Variants in GNA14 observed in about 807,000 individuals in gnomAD.
The protein encoded by GNA14 is guanine nucleotide-binding protein subunit alpha-14.
In GNA14, 50 loss-of-function variants were observed where a neutral mutation model predicts 42.0. The ratio of observed to expected loss-of-function variants is 1.19; its 90% CI spans 0.95 to 1.51. The LOEUF is 1.51. GNA14 is among the 40% of genes most tolerant of loss of function. GNA14 has a pLI of 0.00. For missense variants in GNA14, 473 were observed against 446.2 expected (o/e 1.06, Z -0.54); for synonymous variants, 173 against 163.1 (o/e 1.06, Z -0.46).
At chr9:77,620,954 A>G (rs1823912453) in intron 1 of GNA14, among the ~76,000 whole-genome samples, 2 of 151,760 alleles carry the variant, frequency 1.3e-5, no homozygotes, top group African/African-American at 2.4e-5. Flanking sequence ...TTATTTTGAG[A>G]CAGGGTCTCA....
At chr9:77,448,475 G>A (rs942666220) in intron 2 of GNA14, among the ~76,000 whole-genome samples, 4 of 152,188 alleles carry the variant, frequency 2.6e-5, no homozygotes, top group South Asian at 2.1e-4. Flanking sequence ...TGTTCTGAGC[G>A]CATTTAGCAG....
intron 2 of GNA14, among the ~76,000 whole-genome samples, chr9:77,454,305 T>A (rs1835962523): frequency 6.6e-6 from 1 of 152,234 alleles, no homozygotes; most frequent in Non-Finnish European, 1.5e-5. Context: ...GTCAGTCTGA[T>A]CTACTTCTGT....
At chr9:77,541,989 G>A (rs1017043662) in intron 1 of GNA14, among the ~76,000 whole-genome samples, 1 of 151,928 alleles carries the variant, frequency 6.6e-6, no homozygotes, top group African/African-American at 2.4e-5. Context: ...ATCTCACTGA[G>A]CTTCTTTAAA....
chr9:77,511,969 C>T (rs1164147821), intron 2 of GNA14, among the ~76,000 whole-genome samples: 6 of 152,088 alleles, frequency 3.9e-5, no homozygotes, highest in African/African-American at 9.7e-5. Flanking sequence ...ATGCCTGTGC[C>T]GCCATGGGCT....
At chr9:77,565,016 T>A (rs1054207158) in intron 1 of GNA14, among the ~76,000 whole-genome samples, 40 of 152,214 alleles carry the variant, frequency 2.6e-4, no homozygotes, top group African/African-American at 9.7e-4. Context: ...CAAAATAATT[T>A]TAACATGTTT....
chr9:77,525,236 T>C (rs1837416100), intron 2 of GNA14, among the ~76,000 whole-genome samples: 1 of 152,178 alleles, frequency 6.6e-6, no homozygotes. Context: ...CCCACAAATA[T>C]TGACTCCCTG....
At chr9:77,573,923 T>C (rs1823095488) in intron 1 of GNA14, among the ~76,000 whole-genome samples, 1 of 152,142 alleles carries the variant, frequency 6.6e-6, no homozygotes, top group South Asian at 2.1e-4. Flanking sequence ...ACCATTGTAT[T>C]ATTCATATGT....
In GNA14 at chr9:77,648,162, G is replaced by C. The variant is rs549813616; in HGVS notation, c.-369C>G. On this transcript the variant is annotated 5_prime_UTR_variant, in exon 1 of 7. Transcript: ENST00000341700. ...GGACAGCAGTCGGGGGCGCAGACGA[G>C]TTGGAACGTCGGTGCTCGGGGGAGA... The C allele has an allele frequency of 2.5e-5, 8 of 314,112 alleles. No homozygotes were observed. The South Asian group carries it at 2.6e-4, about 10-fold the overall frequency. The allele number at this position is 314,112 out of a possible 1,614,324, so 19.5% of individuals were successfully genotyped here. A position where few individuals can be genotyped will look rare whatever the true frequency, so the allele number is the denominator to read the frequency against.
At chr9:77,433,258 A>G (rs1835587239) in intron 3 of GNA14, among the ~76,000 whole-genome samples, 1 of 152,234 alleles carries the variant, frequency 6.6e-6, no homozygotes, top group African/African-American at 2.4e-5. Flanking sequence ...GATACGGGAC[A>G]GGTGTGAAAG....
intron 2 of GNA14, among the ~76,000 whole-genome samples, chr9:77,527,629 T>TTTTTG (rs761989039): frequency 7.2e-5 from 11 of 152,252 alleles, no homozygotes; most frequent in Admixed American, 2.6e-4. Context: ...CCACACAATT[T>TTTTTG]TTTTGTTTTG....
chr9:77,526,076 A>AT (rs34362442), intron 2 of GNA14, among the ~76,000 whole-genome samples: 29,816 of 125,092 alleles, frequency 0.24, 3,989 homozygotes, highest in African/African-American at 0.37. Context: ...TAATTTTTGT[A>AT]TTTTTTTTTT....
chr9:77,616,588 A>T (rs1823821597), intron 1 of GNA14, among the ~76,000 whole-genome samples: 1 of 152,240 alleles, frequency 6.6e-6, no homozygotes, highest in African/African-American at 2.4e-5. Flanking sequence ...AGGTACAGGC[A>T]TGCTGATGCT....
At chr9:77,605,615 G>T (rs529458746) in intron 1 of GNA14, among the ~76,000 whole-genome samples, 1 of 152,306 alleles carries the variant, frequency 6.6e-6, no homozygotes, top group East Asian at 1.9e-4. Flanking sequence ...CCTGTCATCT[G>T]TGACAACATG....
intron 1 of GNA14, among the ~76,000 whole-genome samples, chr9:77,640,447 A>G (rs954078898): frequency 3.9e-5 from 6 of 152,176 alleles, no homozygotes; most frequent in African/African-American, 1.4e-4. Flanking sequence ...TTTAAGTATC[A>G]TGGGAAATGA....
chr9:77,427,805 G>A (rs1382319184), intron 5 of GNA14, among the ~76,000 whole-genome samples: 1 of 152,184 alleles, frequency 6.6e-6, no homozygotes, highest in African/African-American at 2.4e-5. Flanking sequence ...CCCAGGAGAC[G>A]TGAAGGCAGA....
At chr9:77,573,574 G>T (rs1196761612) in intron 1 of GNA14, among the ~76,000 whole-genome samples, 1 of 152,122 alleles carries the variant, frequency 6.6e-6, no homozygotes, top group Non-Finnish European at 1.5e-5. Context: ...TTTCTCCAGG[G>T]CATCTGCAGG....
intron 1 of GNA14, among the ~76,000 whole-genome samples, chr9:77,537,414 T>C (rs1341875904): frequency 6.6e-6 from 1 of 152,218 alleles, no homozygotes; most frequent in Non-Finnish European, 1.5e-5. Context: ...CATGATTTCG[T>C]TCTTTTTCTA....
chr9:77,479,876 C>T (rs1836510198), intron 2 of GNA14, among the ~76,000 whole-genome samples: 1 of 151,958 alleles, frequency 6.6e-6, no homozygotes, highest in Admixed American at 6.6e-5. Flanking sequence ...TATAAGAATG[C>T]TTGTGATTTT....
intron 2 of GNA14, among the ~76,000 whole-genome samples, chr9:77,500,732 T>C (rs1380172624): frequency 6.6e-6 from 1 of 152,230 alleles, no homozygotes; most frequent in Non-Finnish European, 1.5e-5. Context: ...CTTTATTCAC[T>C]TAGCATAAGT....
Sources: allele counts gnomAD v4.1 joint callset (sites outside exome capture counted in the v4.1 genomes callset), GRCh38; gene constraint gnomAD v4.1.1; transcripts MANE v1.5; gene names NCBI Gene and HGNC (gene_info 2026-07-23, HGNC 2026-07-21).